PI15: variants seen among roughly 807,000 people sequenced by gnomAD.
The protein encoded by PI15 is 25 kDa trypsin inhibitor.
In PI15, 18 loss-of-function variants were observed where a neutral mutation model predicts 31.0. The observed-to-expected ratio is 0.58, with a 90% CI of 0.40 to 0.86. The LOEUF (loss-of-function observed/expected upper bound fraction) is 0.86, where lower values mean the gene tolerates loss of function less well. Among genes scored for constraint, PI15 ranks in the 40% least tolerant of loss-of-function variants. The probability of loss-of-function intolerance (pLI) is 0.00; values close to 1 mark genes in which losing one functional copy is unlikely to be tolerated. For synonymous variants in PI15, 118 were observed against 119.1 expected (o/e 0.99, Z 0.06); for missense variants, 282 against 328.1 (o/e 0.86, Z 1.09).
chr8:74,838,431 T>TC (rs1175437817), intron 2 of PI15, among the ~76,000 whole-genome samples: 1 of 152,120 alleles, frequency 6.6e-6, no homozygotes, highest in Admixed American at 6.6e-5. Context: ...ATGTCAACTT[T>TC]CATATTTTAG....
intron 2 of PI15, among the ~76,000 whole-genome samples, chr8:74,833,893 T>C (rs1025378239): frequency 2.0e-5 from 3 of 152,206 alleles, no homozygotes; most frequent in Non-Finnish European, 4.4e-5. Flanking sequence ...TGTGGCCTGT[T>C]AGAAACTGGG....
In PI15 at chr8:74,845,272, T is replaced by A; in HGVS notation, c.525+12T>A. On this transcript the variant is annotated intron_variant, in intron 4 of 5. Coordinates refer to ENST00000260113, the MANE Select transcript of PI15 (RefSeq NM_015886.5). The stretch of plus-strand genomic sequence containing the variant: ...CACATTATACGCAGGTTATTTCAAT[T>A]ACCTTGTTAATTTTTGATTCATACT... The A allele has an allele frequency of 6.2e-7, 1 of 1,610,472 alleles. No homozygotes were observed. Among genetic ancestry groups the A allele is most frequent in the Non-Finnish European group, 8.5e-7 (1 of 1,176,568 alleles).
chr8:74,825,084 C>A (rs886367567), intron 1 of PI15, 126 bp from the exon 2 acceptor site: 2 of 684,390 alleles, frequency 2.9e-6, no homozygotes, highest in East Asian at 2.5e-5. Flanking sequence ...GGCTTGAGTT[C>A]AACATTTGTT....
chr8:74,829,177 A>T (rs1810743406), intron 2 of PI15, among the ~76,000 whole-genome samples: 1 of 152,042 alleles, frequency 6.6e-6, no homozygotes, highest in African/African-American at 2.4e-5. Flanking sequence ...GTGAATTGTT[A>T]TGTGTTTATA....
At chr8:74,845,921 A>AT (rs768454541) in intron 5 of PI15, 67 of 157,424 alleles carry the variant, frequency 4.3e-4, no homozygotes, top group Non-Finnish European at 8.2e-4. Flanking sequence ...TCCTTCTCTT[A>AT]TTTTTTAGAT....
intron 2 of PI15, among the ~76,000 whole-genome samples, chr8:74,829,756 G>A (rs1810754344): frequency 6.6e-6 from 1 of 152,068 alleles, no homozygotes; most frequent in Admixed American, 6.6e-5. Context: ...AAATACCATG[G>A]AGGAGTTGAA....
chr8:74,826,381 AAC>A, intron 2 of PI15: 1 of 468,894 alleles, frequency 2.1e-6, no homozygotes, highest in African/African-American at 2.1e-5. Context: ...GGGTACCACT[AAC>A]AGTTTTATAT....
chr8:74,839,305 G>T (rs2128765091), intron 2 of PI15, among the ~76,000 whole-genome samples: 1 of 152,194 alleles, frequency 6.6e-6, no homozygotes, highest in East Asian at 1.9e-4. Flanking sequence ...TTTTAGTCCA[G>T]AGCTAAATCA....
At chr8:74,843,062 C>T (rs772667279) in intron 2 of PI15, among the ~76,000 whole-genome samples, 29 of 152,036 alleles carry the variant, frequency 1.9e-4, no homozygotes, top group Non-Finnish European at 3.5e-4. Context: ...TGACCTTATA[C>T]GTTGCAATAT....
intron 2 of PI15, among the ~76,000 whole-genome samples, chr8:74,828,134 G>GTAAA (rs1181906880): frequency 3.9e-5 from 6 of 152,080 alleles, no homozygotes; most frequent in Non-Finnish European, 8.8e-5. Flanking sequence ...AATAAGCCAG[G>GTAAA]TAAATAAATA....
rs1811090332 is a variant in PI15, at chr8:74,850,464, A to G, written c.*1211A>G. ...CAGCAGGAGACAAAGGATTCCAAAA[A>G]GAGATGTGGAGGTGCTGAGGGCACC... On this transcript the variant is annotated 3_prime_UTR_variant, in exon 6 of 6. Transcript: ENST00000260113. The G allele has an allele frequency of 1.3e-5, 2 of 152,154 alleles. No homozygotes were observed. The allele number at this position is 152,154 out of a possible 1,614,324, so 9.4% of individuals were successfully genotyped here. A position where few individuals can be genotyped will look rare whatever the true frequency, so the allele number is the denominator to read the frequency against.
intron 2 of PI15, among the ~76,000 whole-genome samples, chr8:74,839,160 G>T (rs1810910816): frequency 6.6e-6 from 1 of 152,160 alleles, no homozygotes. Flanking sequence ...ATATTTAAAT[G>T]ACTTCAGTGT....
rs139093948 is a variant in PI15 at position 74,837,456 on chromosome 8, T to C, written c.274-6525T>C. ...TATATTCAGCTGTCAGTTTCCCTTA[T>C]TGGCCATTTCACAAGCATTTCTATC... is the stretch of plus-strand genomic sequence containing the variant. On this transcript the variant is annotated intron_variant, in intron 2 of 5. Transcript: ENST00000260113. Among the ~76,000 whole-genome samples the C allele has an allele frequency of 3.7e-3, 559 of 152,268 alleles. 8 individuals are homozygous for C. Among genetic ancestry groups the C allele is most frequent in the African/African-American group, 0.013 (521 of 41,548 alleles).
intron 2 of PI15, chr8:74,826,343 G>A: frequency 1.1e-6 from 1 of 938,246 alleles, no homozygotes; most frequent in Non-Finnish European, 1.3e-6. Flanking sequence ...CCATCAATAT[G>A]GTATTTCCAA....
chr8:74,827,162 T>G (rs1810711950), intron 2 of PI15, among the ~76,000 whole-genome samples: 1 of 152,114 alleles, frequency 6.6e-6, no homozygotes, highest in Non-Finnish European at 1.5e-5. Flanking sequence ...TGAGCTCATC[T>G]GGGTTCAAAT....
intron 2 of PI15, among the ~76,000 whole-genome samples, chr8:74,828,406 G>T (rs148725178): frequency 1.3e-5 from 2 of 152,198 alleles, no homozygotes; most frequent in African/African-American, 4.8e-5. Flanking sequence ...GAGTAAACTG[G>T]TCACTGGGAA....
chr8:74,830,439 G>T (rs1458271603), intron 2 of PI15, among the ~76,000 whole-genome samples: 1 of 152,022 alleles, frequency 6.6e-6, no homozygotes, highest in East Asian at 1.9e-4. Context: ...AAAAATACTG[G>T]ATACCAAATC....
intron 5 of PI15, 70 bp from the exon 6 acceptor site, chr8:74,849,048 C>T: frequency 7.2e-7 from 1 of 1,393,600 alleles, no homozygotes; most frequent in Non-Finnish European, 1.0e-6. Context: ...GAACATATGG[C>T]TTAAGGACAA....
chr8:74,837,150 A>C (rs960559491), intron 2 of PI15, among the ~76,000 whole-genome samples: 2 of 152,172 alleles, frequency 1.3e-5, no homozygotes, highest in South Asian at 2.1e-4. Flanking sequence ...CAAACATTAC[A>C]AAAATCCTTT....
Sources: allele counts gnomAD v4.1 joint callset (sites outside exome capture counted in the v4.1 genomes callset), GRCh38; gene constraint gnomAD v4.1.1; transcripts MANE v1.5; gene names NCBI Gene and HGNC (gene_info 2026-07-23, HGNC 2026-07-21).